DMD: variants seen among roughly 807,000 people sequenced by gnomAD.
DMD encodes mutant dystrophin.
Under a neutral mutation model 330.1 loss-of-function variants are expected in DMD, and 63 were observed. That is an observed-to-expected ratio of 0.19 (90% CI 0.16 to 0.24). The LOEUF is 0.24. DMD is among the 10% of genes least tolerant of loss of function. The probability of loss-of-function intolerance (pLI) is 1.00; values close to 1 mark genes in which losing one functional copy is unlikely to be tolerated. For synonymous variants in DMD, 1,223 were observed against 959.8 expected (o/e 1.27, Z -5.07); for missense variants, 3,344 against 2,684.1 (o/e 1.25, Z -5.43).
chrX:31,434,762 A>G (rs2064388580), intron 60 of DMD, among the ~76,000 whole-genome samples: 1 of 111,550 alleles, frequency 9.0e-6, no homozygotes, highest in Non-Finnish European at 1.9e-5. Flanking sequence ...CCTACAGAAG[A>G]GTGATTCTAG....
intron 1 of DMD, among the ~76,000 whole-genome samples, chrX:33,312,202 C>T (rs1462077406): frequency 9.0e-6 from 1 of 110,766 alleles, no homozygotes; most frequent in African/African-American, 3.3e-5. Context: ...CGGGTTTGAA[C>T]TGCATGGGTC....
intron 7 of DMD, among the ~76,000 whole-genome samples, chrX:32,768,289 G>C (rs189598719): frequency 5.4e-4 from 60 of 111,875 alleles, no homozygotes; most frequent in South Asian, 4.5e-3. Flanking sequence ...TTGGGGAATA[G>C]AGCTATTCAT....
chrX:33,186,526 G>C lies in DMD; in HGVS notation c.31+24756C>G, dbSNP rs907256043. 4.5e-5 allele frequency among the ~76,000 whole-genome samples: 5 copies of C among 110,458 alleles called. No homozygotes were observed. In the Admixed American group the frequency reaches 4.9e-4, roughly 11 times the overall value. ...TACATTAGGTTTTTTTAAGGAAGTGGGACCTGGATAATATTAGTCCAGGAA... is the reference window on the plus strand; with the variant it reads ...TACATTAGGTTTTTTTAAGGAAGTGCGACCTGGATAATATTAGTCCAGGAA... On this transcript the variant is annotated intron_variant, in intron 1 of 78. Transcript: ENST00000357033.
intron 16 of DMD, among the ~76,000 whole-genome samples, chrX:32,563,362 A>AG (rs1331820224): frequency 9.4e-6 from 1 of 106,420 alleles, no homozygotes; most frequent in Non-Finnish European, 1.9e-5. Flanking sequence ...AAAAAAAAAA[A>AG]AAGCAGATAG....
chrX:33,009,957 TATATACAC>T (rs2093629212), intron 2 of DMD, among the ~76,000 whole-genome samples: 1 of 77,356 alleles, frequency 1.3e-5, no homozygotes, highest in African/African-American at 5.2e-5. Flanking sequence ...TGTGTATGTG[TATATACAC>T]ATATGTGTGT....
chrX:32,419,912 G>A (rs994140178), intron 29 of DMD, among the ~76,000 whole-genome samples: 3 of 112,030 alleles, frequency 2.7e-5, no homozygotes, highest in Non-Finnish European at 5.6e-5. Context: ...GAGCTATAGA[G>A]TAATATATCT....
At chrX:32,545,425 G>A (rs754643709) in intron 16 of DMD, 91 bp from the exon 17 acceptor site, 2 of 894,589 alleles carry the variant, frequency 2.2e-6, no homozygotes, top group South Asian at 2.1e-5. Context: ...ATGAGAAACT[G>A]TTCTTGCTTG....
At chrX:31,833,273 G>GAGAGAGA (rs2093097047) in intron 49 of DMD, among the ~76,000 whole-genome samples, 1 of 49,857 alleles carries the variant, frequency 2.0e-5, no homozygotes, top group East Asian at 1.0e-3. Context: ...GGAGGAAGGG[G>GAGAGAGA]GAGAGAGAGA....
chrX:31,478,191 C>T lies in DMD; in HGVS notation c.8852G>A (p.Arg2951His), dbSNP rs72466567. 5.7e-5 allele frequency: 69 copies of T among 1,208,823 alleles called. No individual in the cohort carries two copies. The highest frequency in any genetic ancestry group is 7.2e-5 in the Non-Finnish European group (64 of 894,796). ...EATDELDLKL[R>H]QAEVIKGSWQ... The stretch of plus-strand genomic sequence containing the variant: ...GGATCCCTTGATCACCTCAGCTTGG[C>T]GCAGCTTGAGGTCCAGCTCATCCGT... The change falls in exon 59 of 79, where the codon CGC (arginine) becomes CAC (histidine). Residue 2951 changes from arginine (R) to histidine (H), a missense_variant. Coordinates refer to ENST00000357033, the MANE Select transcript of DMD (RefSeq NM_004006.3).
At position 31,140,229 on chromosome X, in the gene DMD, T is replaced by G. The variant is rs763533563; in HGVS notation, c.10922-6035A>C. Among the ~76,000 whole-genome samples, 3 of 112,904 alleles carry G rather than the reference T, an allele frequency of 2.7e-5. No homozygotes were observed. The South Asian group carries it at 1.1e-3, about 41-fold the overall frequency. On this transcript the variant is annotated intron_variant, in intron 76 of 78. Transcript: ENST00000357033. ...ATAATGGTTCTATCTGCTTAAAAAG[T>G]GATTTTAGCCAGAACCTACGCAGCC...
At chrX:31,199,120 A>G (rs946658130) in intron 67 of DMD, among the ~76,000 whole-genome samples, 2 of 112,071 alleles carry the variant, frequency 1.8e-5, no homozygotes, top group Non-Finnish European at 3.8e-5. Flanking sequence ...AAAATCCTCA[A>G]GGTTCCTTCA....
chrX:31,486,908 T>TCAAA (rs1360579786), intron 57 of DMD, among the ~76,000 whole-genome samples: 1 of 112,026 alleles, frequency 8.9e-6, no homozygotes, highest in African/African-American at 3.2e-5. Flanking sequence ...TTATTGAGTC[T>TCAAA]CAAACACATA....
rs767066211 is a variant in DMD, at chrX:32,814,991, A to G, written c.530+1477T>C. 6.3e-5 allele frequency among the ~76,000 whole-genome samples: 7 copies of G among 111,553 alleles called. No homozygotes were observed. In the South Asian group the frequency reaches 2.6e-3, roughly 42 times the overall value. ...AGCATTGACTTAAAACACAGACAGA[A>G]TGTCTCTATCCCTTCTCATCTAACT... On this transcript the variant is annotated intron_variant, in intron 6 of 78. Coordinates refer to ENST00000357033, the MANE Select transcript of DMD (RefSeq NM_004006.3).
At position 32,807,124 on chromosome X, in the gene DMD, A is replaced by T. The variant is rs984647036; in HGVS notation, c.649+2369T>A. ...GAACTGAAGGAGACGGAAACATTTA[A>T]AAAAAAAAAAAAAAAAAAAAAAAAA... On this transcript the variant is annotated intron_variant, in intron 7 of 78. Transcript: ENST00000357033. 1.7e-3 allele frequency among the ~76,000 whole-genome samples: 142 copies of T among 83,926 alleles called. 2 individuals carry two copies. Among genetic ancestry groups the T allele is most frequent in the African/African-American group, 7.7e-3 (135 of 17,542 alleles). The allele number at this position is 83,926 out of a possible 115,157, so 72.9% of individuals were successfully genotyped here.
intron 1 of DMD, among the ~76,000 whole-genome samples, chrX:33,029,740 A>T: frequency 8.9e-6 from 1 of 112,468 alleles, no homozygotes. Flanking sequence ...ATACTTGTGA[A>T]GAATTAATCG....
At chrX:32,726,266 A>G (rs2147967805) in intron 7 of DMD, among the ~76,000 whole-genome samples, 1 of 111,420 alleles carries the variant, frequency 9.0e-6, no homozygotes, top group East Asian at 2.8e-4. Context: ...TTCACAATGT[A>G]GCTTATCAAT....
intron 51 of DMD, among the ~76,000 whole-genome samples, chrX:31,772,724 G>A (rs990603656): frequency 2.1e-4 from 24 of 111,798 alleles, no homozygotes; most frequent in Non-Finnish European, 2.6e-4. Flanking sequence ...TACTTACTGG[G>A]AATTTGACAT....
intron 51 of DMD, among the ~76,000 whole-genome samples, chrX:31,750,855 GACAA>G (rs1227086029): frequency 2.0e-5 from 2 of 100,876 alleles, no homozygotes; most frequent in African/African-American, 3.7e-5. Context: ...ACCAACGACA[GACAA>G]ACAGAGAGCC....
intron 43 of DMD, among the ~76,000 whole-genome samples, chrX:32,229,282 C>A (rs1260059124): frequency 9.1e-6 from 1 of 110,297 alleles, no homozygotes; most frequent in Admixed American, 9.7e-5. Context: ...ACCTAACCTC[C>A]TTTCTAAGCA....
Sources: gnomAD v4.1 joint callset for allele counts (sites outside exome capture counted in the v4.1 genomes callset) on GRCh38, gnomAD v4.1.1 for gene constraint, MANE v1.5 for transcripts, NCBI Gene and HGNC (gene_info 2026-07-23, HGNC 2026-07-21) for gene names.